PFKFB3: variants seen among roughly 807,000 people sequenced by gnomAD.
PFKFB3 encodes 6-phosphofructo-2-kinase/fructose-2,6-biphosphatase 3.
A neutral mutation model predicts 68.0 loss-of-function variants in PFKFB3; 33 were observed. That is an observed-to-expected ratio of 0.49 (90% confidence interval 0.37 to 0.65). PFKFB3 has a LOEUF of 0.65. Ranked by LOEUF, PFKFB3 falls within the 30% of genes least tolerant of loss-of-function variation. The pLI, the probability that PFKFB3 is intolerant of heterozygous loss-of-function variation, is 0.00. For missense variants in PFKFB3, 586 were observed against 712.2 expected (o/e 0.82, Z 2.02); for synonymous variants, 315 against 288.2 (o/e 1.09, Z -0.94).
chr10:6,224,451 A>C (rs749213678), intron 13 of PFKFB3: 7 of 642,570 alleles, frequency 1.1e-5, no homozygotes, highest in Non-Finnish European at 2.0e-5. Context: ...GCTGAGCTCG[A>C]GATATGAATA....
chr10:6,255,349 C>T (rs890624180), downstream of PFKFB3, among the ~76,000 whole-genome samples: 2 of 152,118 alleles, frequency 1.3e-5, no homozygotes, highest in African/African-American at 4.8e-5. Flanking sequence ...GTCTCAAACT[C>T]CTGACCTCAG....
At chr10:6,304,091 A>C in the PFKFB3 span, among the ~76,000 whole-genome samples, 1 of 152,230 alleles carries the variant, frequency 6.6e-6, no homozygotes, top group African/African-American at 2.4e-5. Flanking sequence ...TCAGAGTTTT[A>C]GTGCCCCAGA....
chr10:6,294,459 A>G, the PFKFB3 span, among the ~76,000 whole-genome samples: 5 of 152,294 alleles, frequency 3.3e-5, no homozygotes, highest in Middle Eastern at 3.4e-3. Flanking sequence ...ACTCTCCTTT[A>G]TAAATCCATC....
intron 14 of PFKFB3, among the ~76,000 whole-genome samples, chr10:6,250,724 C>G (rs1477898821): frequency 6.6e-6 from 1 of 152,178 alleles, no homozygotes; most frequent in Non-Finnish European, 1.5e-5. Context: ...GAGGACACAG[C>G]AGGAAGGCCC....
In PFKFB3 at chr10:6,228,951, C is replaced by G. The variant is rs947547151; in HGVS notation, c.1515+2586C>G. On this transcript the variant is annotated intron_variant, in intron 14 of 14. Transcript: ENST00000379775. This position sits in a 1 kb window ranked among gnomAD's most constrained non-coding sequence, Gnocchi z 4.5. Reference sequence around the variant, plus strand: ...CACTGGGTAGCTGGGGCTGTGTTCCCACTGCTCTGGGATCCCTTCCCCACC... The same window carrying G: ...CACTGGGTAGCTGGGGCTGTGTTCCGACTGCTCTGGGATCCCTTCCCCACC... Among the ~76,000 whole-genome samples, 1 of 152,206 alleles carries G rather than the reference C, an allele frequency of 6.6e-6. No individual in the cohort carries two copies. The highest frequency in any genetic ancestry group is 1.5e-5 in the Non-Finnish European group (1 of 68,036).
intron 1 of PFKFB3, among the ~76,000 whole-genome samples, chr10:6,170,376 T>C (rs1385135389): frequency 2.0e-5 from 3 of 152,190 alleles, no homozygotes; most frequent in Non-Finnish European, 4.4e-5. Flanking sequence ...TCCTTTATGT[T>C]TTCTTTCTTG....
chr10:6,171,580 A>G (rs1475545644), intron 1 of PFKFB3, among the ~76,000 whole-genome samples: 1 of 151,852 alleles, frequency 6.6e-6, no homozygotes, highest in Non-Finnish European at 1.5e-5. Flanking sequence ...TTTTGTAGAG[A>G]TGAGGTCCCT....
the PFKFB3 span, among the ~76,000 whole-genome samples, chr10:6,277,172 A>T: frequency 2.0e-5 from 3 of 152,054 alleles, no homozygotes; most frequent in African/African-American, 7.2e-5. Context: ...GGGGCCTGGT[A>T]GAAGGTGATT....
chr10:6,161,920 T>C (rs781662381), intron 1 of PFKFB3, among the ~76,000 whole-genome samples: 2 of 152,244 alleles, frequency 1.3e-5, no homozygotes, highest in Non-Finnish European at 1.5e-5. Flanking sequence ...ATCTTCAACA[T>C]TTTTAAGTAT....
At chr10:6,178,871 C>T (rs1181209706) in intron 1 of PFKFB3, among the ~76,000 whole-genome samples, 3 of 152,216 alleles carry the variant, frequency 2.0e-5, no homozygotes, top group Admixed American at 2.0e-4. Context: ...CTGGTCCCTA[C>T]CTTGGAGGCC....
At position 6,154,580 on chromosome 10, in the gene PFKFB3, C is replaced by T. The variant is rs187271587; in HGVS notation, c.16+9567C>T. Among the ~76,000 whole-genome samples the T allele has an allele frequency of 6.2e-3, 943 of 152,254 alleles. 3 individuals carry two copies. Among genetic ancestry groups the T allele is most frequent in the East Asian group, 0.022 (114 of 5,180 alleles). On this transcript the variant is annotated intron_variant, in intron 1 of 14. Coordinates refer to the PFKFB3 transcript ENST00000379789. The surrounding 1 kb of genome is among the most constrained non-coding windows in gnomAD (Gnocchi z 4.6). ...TTAACGTGACACCATAAAACGTCTC[C>T]GCCACGGGTGGCTACTATCCTGAGA...
chr10:6,162,045 A>G (rs1841988710), intron 1 of PFKFB3, among the ~76,000 whole-genome samples: 1 of 152,148 alleles, frequency 6.6e-6, no homozygotes, highest in Non-Finnish European at 1.5e-5. Flanking sequence ...AATAACTCTC[A>G]TTCTTCACAA....
chr10:6,281,300 G>A, the PFKFB3 span, among the ~76,000 whole-genome samples: 13 of 151,154 alleles, frequency 8.6e-5, no homozygotes, highest in African/African-American at 2.9e-4. Flanking sequence ...GAAAGTTTGG[G>A]ATTGTTTTGT....
At chr10:6,153,314 G>A (rs1047787102) in intron 1 of PFKFB3, among the ~76,000 whole-genome samples, 2 of 152,198 alleles carry the variant, frequency 1.3e-5, no homozygotes, top group South Asian at 2.1e-4. Flanking sequence ...TAAGCTCTTC[G>A]GTCCTTTCAG....
intron 1 of PFKFB3, among the ~76,000 whole-genome samples, chr10:6,160,488 CA>C (rs1437065750): frequency 3.3e-5 from 5 of 152,124 alleles, no homozygotes; most frequent in Non-Finnish European, 5.9e-5. Flanking sequence ...GAGGCTGAGG[CA>C]GGCAGATGAC....
intron 1 of PFKFB3, among the ~76,000 whole-genome samples, chr10:6,210,310 C>T (rs1844082377): frequency 8.8e-6 from 1 of 113,688 alleles, no homozygotes; most frequent in South Asian, 3.3e-4. Context: ...GGGACAGGTG[C>T]AAACACCTCA....
the PFKFB3 span, among the ~76,000 whole-genome samples, chr10:6,266,095 G>T: frequency 6.6e-6 from 1 of 151,950 alleles, no homozygotes; most frequent in Non-Finnish European, 1.5e-5. Flanking sequence ...TTTTTGTAGA[G>T]ACAAGGCCTT....
At chr10:6,231,702 C>A in intron 14 of PFKFB3, 1 of 541,628 alleles carries the variant, frequency 1.8e-6, no homozygotes, top group South Asian at 7.9e-5. Context: ...GGACCCAGGG[C>A]TCTCTGAAGA....
At chr10:6,261,730 C>T in the PFKFB3 span, among the ~76,000 whole-genome samples, 1 of 152,064 alleles carries the variant, frequency 6.6e-6, no homozygotes, top group Non-Finnish European at 1.5e-5. Context: ...CATGGTGGCT[C>T]ACACCTGTAA....
Sources: gnomAD v4.1 joint callset for allele counts (sites outside exome capture counted in the v4.1 genomes callset) on GRCh38, gnomAD v4.1.1 for gene constraint, Gnocchi (gnomAD v3.1) non-coding constraint, MANE v1.5 for transcripts, NCBI Gene and HGNC (gene_info 2026-07-23, HGNC 2026-07-21) for gene names.